The following SLC2A13 variants were observed in gnomAD, a reference collection of about 807,000 sequenced individuals.
SLC2A13 encodes the protein proton myo-inositol cotransporter.
A neutral mutation model predicts 64.4 loss-of-function variants in SLC2A13; 32 were observed. The ratio of observed to expected loss-of-function variants is 0.50; its 90% confidence interval spans 0.37 to 0.67. The LOEUF (loss-of-function observed/expected upper bound fraction) is 0.67, where lower values mean the gene tolerates loss of function less well. Among genes scored for constraint, SLC2A13 ranks in the 30% least tolerant of loss-of-function variants. The pLI is 0.00. For synonymous variants in SLC2A13, 338 were observed against 327.1 expected, an observed-to-expected ratio of 1.03 and a Z score of -0.36; for missense variants, 743 against 829.2, an observed-to-expected ratio of 0.90 and a Z score of 1.28.
chr12:40,046,831 C>T (rs1948178854), intron 2 of SLC2A13, among the ~76,000 whole-genome samples: 1 of 152,044 alleles, frequency 6.6e-6, no homozygotes. Flanking sequence ...CATCCTAAGC[C>T]ACAAGGTTTA....
At chr12:40,062,701 T>C (rs1227822529) in intron 1 of SLC2A13, among the ~76,000 whole-genome samples, 1 of 152,102 alleles carries the variant, frequency 6.6e-6, no homozygotes, top group African/African-American at 2.4e-5. Context: ...GAAAAAAAAT[T>C]AAAGGGTTTA....
chr12:39,830,518 A>T, intron 6 of SLC2A13: 1 of 1,083,658 alleles, frequency 9.2e-7, no homozygotes, highest in South Asian at 3.4e-5. Context: ...TGGAGCAAAT[A>T]AACTTTTGCT....
chr12:39,947,919 C>T (rs1431291263), intron 4 of SLC2A13, among the ~76,000 whole-genome samples: 1 of 152,108 alleles, frequency 6.6e-6, no homozygotes, highest in African/African-American at 2.4e-5. Flanking sequence ...CTCGGCCTCC[C>T]AAAGTGCTGG....
At chr12:39,819,024 A>G (rs1036807381) in intron 7 of SLC2A13, among the ~76,000 whole-genome samples, 23 of 152,156 alleles carry the variant, frequency 1.5e-4, no homozygotes, top group Non-Finnish European at 2.8e-4. Context: ...ACTGTCAATC[A>G]TAGTTTTCAG....
At chr12:39,818,830 A>T (rs1262141895) in intron 7 of SLC2A13, among the ~76,000 whole-genome samples, 1 of 152,182 alleles carries the variant, frequency 6.6e-6, no homozygotes, top group Non-Finnish European at 1.5e-5. Context: ...AAATATTGTT[A>T]TAAGTATAAA....
chr12:39,892,603 CTT>C (rs1300130521), intron 4 of SLC2A13, among the ~76,000 whole-genome samples: 1 of 152,236 alleles, frequency 6.6e-6, no homozygotes, highest in East Asian at 1.9e-4. Context: ...AAACAATAAA[CTT>C]ATTTCTTCAA....
chr12:40,001,525 G>C (rs2136182635), intron 3 of SLC2A13, among the ~76,000 whole-genome samples: 1 of 152,236 alleles, frequency 6.6e-6, no homozygotes, highest in East Asian at 1.9e-4. Flanking sequence ...CTGTGAGGTA[G>C]ACAAGGCAGG....
intron 4 of SLC2A13, among the ~76,000 whole-genome samples, chr12:39,891,578 A>G (rs1244345696): frequency 6.6e-6 from 1 of 152,214 alleles, no homozygotes; most frequent in Non-Finnish European, 1.5e-5. Flanking sequence ...TGAGTTCGAC[A>G]GTGAAGATTA....
intron 4 of SLC2A13, among the ~76,000 whole-genome samples, chr12:39,923,580 T>C (rs1443823328): frequency 6.6e-6 from 1 of 151,776 alleles, no homozygotes; most frequent in African/African-American, 2.4e-5. Flanking sequence ...TGGAGAGTGG[T>C]GATGATTGCA....
chr12:39,892,178 G>C (rs537013612), intron 4 of SLC2A13, among the ~76,000 whole-genome samples: 183 of 152,194 alleles, frequency 1.2e-3, no homozygotes, highest in Non-Finnish European at 1.7e-3. Context: ...AGCTTGAGCA[G>C]AGAAGCAGCC....
At chr12:39,896,445 T>C (rs547891180) in intron 4 of SLC2A13, among the ~76,000 whole-genome samples, 3 of 142,930 alleles carry the variant, frequency 2.1e-5, no homozygotes, top group South Asian at 2.2e-4. Flanking sequence ...TACATATATG[T>C]ATATGTGTGT....
At chr12:40,060,486 C>T (rs908504113) in intron 1 of SLC2A13, among the ~76,000 whole-genome samples, 2 of 152,094 alleles carry the variant, frequency 1.3e-5, no homozygotes, top group African/African-American at 4.8e-5. Context: ...TTCCCATGTA[C>T]ACTGGGTTGT....
chr12:40,090,014 A>T (rs1453476609), intron 1 of SLC2A13, among the ~76,000 whole-genome samples: 2 of 152,090 alleles, frequency 1.3e-5, no homozygotes, highest in African/African-American at 4.8e-5. Flanking sequence ...TTTATTGGCC[A>T]AATTTCAGAG....
At chr12:40,060,890 A>C (rs1397923287) in intron 1 of SLC2A13, among the ~76,000 whole-genome samples, 1 of 152,208 alleles carries the variant, frequency 6.6e-6, no homozygotes, top group Non-Finnish European at 1.5e-5. Flanking sequence ...CTTGTGGTGC[A>C]TAAATGCAAG....
intron 7 of SLC2A13, chr12:39,802,194 C>T (rs531629283): frequency 6.6e-6 from 1 of 152,216 alleles, no homozygotes; most frequent in Non-Finnish European, 1.5e-5. Context: ...TAGTGCTCTG[C>T]TTGTACTGTC....
Position 40,028,586 on chromosome 12 carries a change from T to C in SLC2A13, c.717-77A>G. 5 of 1,413,512 alleles carry C rather than the reference T, an allele frequency of 3.5e-6. No homozygotes were observed. In the South Asian group the frequency reaches 6.3e-5, roughly 18 times the overall value. The allele number at this position is 1,413,512 out of a possible 1,614,324, so 87.6% of individuals were successfully genotyped here. A position where few individuals can be genotyped will look rare whatever the true frequency, so the allele number is the denominator to read the frequency against. Reference sequence around the variant, plus strand: ...GTGCTCACCACATACTTTTGTGTTGTGTTGACAACAATAATACTTACTGTG... The same window carrying C: ...GTGCTCACCACATACTTTTGTGTTGCGTTGACAACAATAATACTTACTGTG... On this transcript the variant is annotated intron_variant, in intron 2 of 9. Coordinates refer to ENST00000280871, the MANE Select transcript of SLC2A13 (RefSeq NM_052885.4).
intron 7 of SLC2A13, among the ~76,000 whole-genome samples, chr12:39,770,634 T>C (rs771038733): frequency 3.5e-4 from 54 of 152,156 alleles, no homozygotes; most frequent in Non-Finnish European, 4.6e-4. Context: ...TGGATAAGCA[T>C]AGAGCATCTG....
At chr12:39,855,904 C>T (rs1211783524) in intron 6 of SLC2A13, among the ~76,000 whole-genome samples, 2 of 152,138 alleles carry the variant, frequency 1.3e-5, no homozygotes, top group East Asian at 3.9e-4. Context: ...CTTATTAGCA[C>T]CACACAACAA....
chr12:40,020,402 ACT>A (rs972865977), intron 3 of SLC2A13, among the ~76,000 whole-genome samples: 2 of 151,490 alleles, frequency 1.3e-5, no homozygotes, highest in South Asian at 2.1e-4. Context: ...GACTTTCTTC[ACT>A]CTCTCTCCTG....
Sources: allele counts gnomAD v4.1 joint callset (sites outside exome capture counted in the v4.1 genomes callset), GRCh38; gene constraint gnomAD v4.1.1; transcripts MANE v1.5; gene names NCBI Gene and HGNC (gene_info 2026-07-23, HGNC 2026-07-21).